TTC14: variants seen among roughly 807,000 people sequenced by gnomAD.
TTC14 encodes tetratricopeptide repeat domain 14, also known as tetratricopeptide repeat protein 14.
In TTC14, 63 loss-of-function variants were observed where a neutral mutation model predicts 79.9. The ratio of observed to expected loss-of-function variants is 0.79; its 90% CI spans 0.64 to 0.97. The LOEUF is 0.97. TTC14 is among the 50% of genes least tolerant of loss of function. The probability of loss-of-function intolerance (pLI) is 0.00; values close to 1 mark genes in which losing one functional copy is unlikely to be tolerated. For missense variants in TTC14, 895 were observed against 894.0 expected (o/e 1.00, Z -0.01); for synonymous variants, 335 against 309.6 (o/e 1.08, Z -0.86).
downstream of TTC14, among the ~76,000 whole-genome samples, chr3:180,611,795 A>T (rs1195594691): frequency 6.6e-6 from 1 of 152,200 alleles, no homozygotes; most frequent in African/African-American, 2.4e-5. Flanking sequence ...GTGGGTGGGT[A>T]GCTGAGGATC....
chr3:180,610,244 C>G lies in TTC14; in HGVS notation c.2015C>G (p.Pro672Arg). The G allele has an allele frequency of 6.2e-7, 1 of 1,613,896 alleles. No individual in the cohort carries two copies. Among genetic ancestry groups the G allele is most frequent in the Non-Finnish European group, 8.5e-7 (1 of 1,179,894 alleles). ...GGTTCTGTGAGGCATTCTACCTCAC[C>G]AGCAAGCTCAGAATACTCTTGGAAG... ...EPGSVRHSTS[P>R]ASSEYSWKSV... Residue 672 changes from proline (P) to arginine (R), a missense_variant, in exon 12 of 12, where the codon CCA becomes CGA. Coordinates refer to ENST00000296015, the MANE Select transcript of TTC14 (RefSeq NM_133462.4).
chr3:180,608,196 C>T, intron 10 of TTC14: 3 of 992,606 alleles, frequency 3.0e-6, no homozygotes, highest in Non-Finnish European at 3.6e-6. Context: ...TGGTGCTGCT[C>T]ATCCCCATCC....
chr3:180,603,528 A>G lies in TTC14; in HGVS notation c.486+205A>G. 5 of 556,172 alleles carry G rather than the reference A, an allele frequency of 9.0e-6. No homozygotes were observed. In the South Asian group the frequency reaches 1.0e-4, roughly 11 times the overall value. 34.5% of individuals were successfully genotyped at this position (556,172 alleles called of 1,614,324 possible). A position where few individuals can be genotyped will look rare whatever the true frequency, so the allele number is the denominator to read the frequency against. On this transcript the variant is annotated intron_variant, in intron 3 of 11. Coordinates refer to ENST00000296015, the MANE Select transcript of TTC14 (RefSeq NM_133462.4). Reference sequence around the variant, plus strand: ...ATTTCTGGTTTTTGGGATTTTTTAAATTTAAACTGGTTGGCAGGCACAGTG... The same window carrying G: ...ATTTCTGGTTTTTGGGATTTTTTAAGTTTAAACTGGTTGGCAGGCACAGTG...
rs147413156 is a variant in TTC14 at position 180,610,155 on chromosome 3, T to C, written c.1926T>C (p.Tyr642=). The C allele has an allele frequency of 5.0e-4, 801 of 1,612,466 alleles. No homozygotes were observed. The highest frequency in any genetic ancestry group is 6.2e-4 in the Non-Finnish European group (737 of 1,179,558). The change falls in exon 12 of 12, where the codon TAT becomes TAC. Residue 642 remains tyrosine (Y), a synonymous_variant. Coordinates refer to ENST00000296015, the MANE Select transcript of TTC14 (RefSeq NM_133462.4). ...SFCRNSEDKI[Y]GYRRFEKDIE... ...GTAGGAATTCAGAGGACAAGATTTA[T>C]GGTTATAGGAGATTTGAAAAGGATA...
intron 12 of TTC14, chr3:180,616,738 C>A: frequency 6.4e-7 from 1 of 1,570,422 alleles, no homozygotes; most frequent in South Asian, 1.2e-5. Context: ...ACGTGTTTAC[C>A]AGAATTTAAT....
Position 180,602,277 on chromosome 3 carries a change from T to C in TTC14, c.16T>C (p.Leu6=), listed in dbSNP as rs1716398384. ...TTCTCTAGCCATGGACCGGGACCTT[T>C]TGCGGCAGTCGCTAAATTGCCACGG... MDRDL[L]RQSLNCHGSS... Residue 6 remains leucine (L), a synonymous_variant, in exon 1 of 12, where the codon TTG becomes CTG. Transcript: ENST00000296015. 3 of 1,613,918 alleles carry C rather than the reference T, an allele frequency of 1.9e-6. No individual in the cohort carries two copies. The highest frequency in any genetic ancestry group is 1.3e-5 in the African/African-American group (1 of 74,938).
intron 3 of TTC14, 52 bp from the exon 4 acceptor site, chr3:180,604,173 G>A (rs758215543): frequency 6.8e-7 from 1 of 1,480,734 alleles, no homozygotes; most frequent in African/African-American, 1.4e-5. Flanking sequence ...AGAAGACACT[G>A]TTCTTATCAA....
At chr3:180,609,162 C>A in intron 11 of TTC14, 2 of 654,890 alleles carry the variant, frequency 3.1e-6, no homozygotes, top group Non-Finnish European at 3.8e-6. Flanking sequence ...TTTTTGATTG[C>A]CATAACTGAT....
Position 180,610,323 on chromosome 3 carries a change from A to T in TTC14, c.2094A>T (p.Arg698Ser). 1 of 1,613,288 alleles carries T rather than the reference A, an allele frequency of 6.2e-7. No homozygotes were observed. Among genetic ancestry groups the T allele is most frequent in the Non-Finnish European group, 8.5e-7 (1 of 1,179,754 alleles). ...ACTCTGGATCACGTGATTTCAGTAGACATGAGCAAAGATACCGTTTAAATA... is the reference window on the plus strand; with the variant it reads ...ACTCTGGATCACGTGATTTCAGTAGTCATGAGCAAAGATACCGTTTAAATA... ...YAHSGSRDFSRHEQRYRLNTN... is the reference protein window; with the variant it reads ...YAHSGSRDFSSHEQRYRLNTN... The change falls in exon 12 of 12, where the codon AGA (arginine) becomes AGT (serine). Residue 698 changes from arginine to serine, a missense_variant. Physicochemically the swap from Arg to Ser is moderately radical, Grantham distance 110. Transcript: ENST00000296015.
Position 180,609,708 on chromosome 3 carries a change from C to T in TTC14, c.1479C>T (p.Ser493=), listed in dbSNP as rs778063446. 2.5e-6 allele frequency: 4 copies of T among 1,612,410 alleles called. No homozygotes were observed. The highest frequency in any genetic ancestry group is 4.5e-5 in the East Asian group (2 of 44,846). ...ATGAATCAGTGTCTTCATCATCATC[C>T]TCTTCCTCTTCTGGTCACAAAAGGC... ...SADESVSSSS[S]SSSSGHKRHK... The change falls in exon 12 of 12, where the codon TCC becomes TCT. Residue 493 remains serine, a synonymous_variant. Transcript: ENST00000296015.
exon 13 of TTC14, chr3:180,617,615 TA>T (rs1717297900): frequency 4.9e-6 from 2 of 407,424 alleles, no homozygotes; most frequent in Non-Finnish European, 4.3e-6. Context: ...ACAAAAAAAT[TA>T]AAAAGTAAAA....
At chr3:180,603,424 A>G (rs764613614) in intron 3 of TTC14, 101 bp downstream of exon 3, 4 of 1,023,350 alleles carry the variant, frequency 3.9e-6, no homozygotes, top group Non-Finnish European at 4.5e-6. Flanking sequence ...ATACCTGCCA[A>G]GATGCTTTTG....
downstream of TTC14, among the ~76,000 whole-genome samples, chr3:180,612,797 A>G (rs979460021): frequency 1.3e-5 from 2 of 152,230 alleles, no homozygotes; most frequent in African/African-American, 4.8e-5. Flanking sequence ...AGCAAAAGAA[A>G]TAACACAGTG....
chr3:180,608,131 G>A, intron 10 of TTC14: 1 of 1,009,898 alleles, frequency 9.9e-7, no homozygotes, highest in Non-Finnish European at 1.2e-6. Flanking sequence ...TGATGATGAT[G>A]TTTTCTCATG....
At chr3:180,606,196 CATTTT>C in intron 7 of TTC14, 52 bp from the exon 8 acceptor site, 4 of 1,595,200 alleles carry the variant, frequency 2.5e-6, no homozygotes, top group South Asian at 1.1e-5. Flanking sequence ...TTCACACTAA[CATTTT>C]ATTTAGATAT....
In TTC14 at chr3:180,607,658, G is replaced by A. The variant is rs1306713749; in HGVS notation, c.1183G>A (p.Glu395Lys). ...TTCTTTCAAATTTAGGTTAGAAGAAGAAGAAAAGTTTTTAAATGCTGAAAG... is the reference window on the plus strand; with the variant it reads ...TTCTTTCAAATTTAGGTTAGAAGAAAAAGAAAAGTTTTTAAATGCTGAAAG... ...LVERGGQLEEEEKFLNAESYY... is the reference protein window; with the variant it reads ...LVERGGQLEEKEKFLNAESYY... Residue 395 changes from glutamate to lysine, a missense_variant, in exon 10 of 12, where the codon GAA becomes AAA. Coordinates refer to ENST00000296015, the MANE Select transcript of TTC14 (RefSeq NM_133462.4). 2.5e-6 allele frequency: 4 copies of A among 1,600,516 alleles called. No individual in the cohort carries two copies. Among genetic ancestry groups the A allele is most frequent in the Non-Finnish European group, 3.4e-6 (4 of 1,176,040 alleles).
chr3:180,617,456 C>T, exon 13 of TTC14: 1 of 687,026 alleles, frequency 1.5e-6, no homozygotes, highest in Non-Finnish European at 2.7e-6. Flanking sequence ...CAGAAGAGGG[C>T]ATTGTTATCA....
intron 9 of TTC14, 88 bp downstream of exon 9, chr3:180,606,691 C>A: frequency 7.0e-7 from 1 of 1,425,410 alleles, no homozygotes; most frequent in South Asian, 1.4e-5. Flanking sequence ...GTTTCTTAAG[C>A]ACTTAATTTA....
In TTC14 at chr3:180,604,218, A is replaced by T. The variant is rs769364983; in HGVS notation, c.487-7A>T. 2 of 1,610,180 alleles carry T rather than the reference A, an allele frequency of 1.2e-6. No homozygotes were observed. The highest frequency in any genetic ancestry group is 2.2e-5 in the South Asian group (2 of 90,376). On this transcript the variant is annotated splice_polypyrimidine_tract_variant and splice_region_variant and intron_variant, in intron 3 of 11. Transcript: ENST00000296015. ...TGTCTGGTGTTTTAAAATACTTCTC[A>T]TTACAGGCTCTTTGTCCCTTAAGAG...
Sources: gnomAD v4.1 joint callset for allele counts (sites outside exome capture counted in the v4.1 genomes callset) on GRCh38, gnomAD v4.1.1 for gene constraint, MANE v1.5 for transcripts, NCBI Gene and HGNC (gene_info 2026-07-23, HGNC 2026-07-21) for gene names.